OGDHL: variants seen among roughly 807,000 people sequenced by gnomAD.
OGDHL encodes oxoglutarate dehydrogenase L.
OGDHL carries 79 observed loss-of-function variants against 109.6 expected under a neutral mutation model. That is an observed-to-expected ratio of 0.72 (90% confidence interval 0.60 to 0.87). OGDHL has a LOEUF of 0.87. Among genes scored for constraint, OGDHL ranks in the 40% least tolerant of loss-of-function variants. The pLI is 0.00. For missense variants in OGDHL, 1,275 were observed against 1,362.2 expected (o/e 0.94, Z 1.01); for synonymous variants, 528 against 537.2 (o/e 0.98, Z 0.24).
At chr10:49,745,655 GCA>G in intron 11 of OGDHL, 141 bp downstream of exon 11, 5 of 1,289,840 alleles carry the variant, frequency 3.9e-6, no homozygotes. Flanking sequence ...CCAGGCCTTT[GCA>G]CAGATTGCTC....
At chr10:49,762,129 C>T in intron 1 of OGDHL, 110 bp downstream of exon 1, 1 of 153,670 alleles carries the variant, frequency 6.5e-6, no homozygotes, top group Non-Finnish European at 1.4e-5. Context: ...CTCAGGGCTG[C>T]GGGCAGCGGC....
At chr10:49,743,434 C>T (rs1292933921) in intron 14 of OGDHL, 1 of 179,072 alleles carries the variant, frequency 5.6e-6, no homozygotes, top group African/African-American at 2.3e-5. Flanking sequence ...CAGAACTCCC[C>T]CAGGTGGGTC....
intron 6 of OGDHL, 63 bp downstream of exon 6, chr10:49,751,763 TG>T: frequency 1.3e-6 from 2 of 1,573,034 alleles, no homozygotes; most frequent in Non-Finnish European, 8.6e-7. Context: ...AGGCAGGGTG[TG>T]GGACGTCTCA....
chr10:49,751,038 G>C (rs1463723212), intron 6 of OGDHL, 53 bp from the exon 7 acceptor site: 4 of 1,504,418 alleles, frequency 2.7e-6, no homozygotes, highest in Non-Finnish European at 3.6e-6. Flanking sequence ...AGAGGGAGGG[G>C]ACTGGGGCTC....
At chr10:49,752,780 G>C in intron 3 of OGDHL, 40 bp from the exon 4 acceptor site, 3 of 1,453,846 alleles carry the variant, frequency 2.1e-6, no homozygotes, top group Non-Finnish European at 2.9e-6. Flanking sequence ...CTGGGACCCA[G>C]CTGGACAGAC....
At chr10:49,746,527 A>G (rs1352296856) in intron 10 of OGDHL, among the ~76,000 whole-genome samples, 1 of 152,174 alleles carries the variant, frequency 6.6e-6, no homozygotes, top group East Asian at 1.9e-4. Flanking sequence ...GGCACTCGCT[A>G]CACAGGTGCT....
chr10:49,754,831 T>C (rs1214330187), intron 3 of OGDHL, among the ~76,000 whole-genome samples: 2 of 152,196 alleles, frequency 1.3e-5, no homozygotes, highest in African/African-American at 4.8e-5. Context: ...ACAAACCACC[T>C]GGTTTTTCCA....
At position 49,738,011 on chromosome 10, in the gene OGDHL, C is replaced by G. The variant is rs200969360; in HGVS notation, c.2453G>C (p.Cys818Ser). The G allele has an allele frequency of 1.2e-6, 2 of 1,614,060 alleles. No homozygotes were observed. The highest frequency in any genetic ancestry group is 2.7e-5 in the African/African-American group (2 of 74,922). Residue 818 changes from cysteine to serine, a missense_variant, in exon 19 of 23, where the codon TGC becomes TCC. Transcript: ENST00000374103. Reference sequence around the variant, plus strand: ...GTGGAAGTAGTTGGCCGGTGTGGAGCAGTTGACCACGATCCAGTTGCAGTC... The same window carrying G: ...GTGGAAGTAGTTGGCCGGTGTGGAGGAGTTGACCACGATCCAGTTGCAGTC... ...LYDCNWIVVNCSTPANYFHVL... is the reference protein window; with the variant it reads ...LYDCNWIVVNSSTPANYFHVL...
chr10:49,748,156 T>TA, intron 8 of OGDHL, among the ~76,000 whole-genome samples: 1 of 151,814 alleles, frequency 6.6e-6, no homozygotes, highest in African/African-American at 2.4e-5. Context: ...ATCTAACAGA[T>TA]AAACTCGCTC....
rs147143536 is a variant in OGDHL at position 49,752,185 on chromosome 10, A to G, written c.542T>C (p.Ile181Thr). The change falls in exon 5 of 23, where the codon ATT becomes ACT. Residue 181 changes from isoleucine to threonine, a missense_variant. By Grantham distance (89) the Ile-to-Thr change is moderately conservative. Transcript: ENST00000374103. ...AGAGAGGGTGTTTTCAGAGCCCCCA[A>G]TGAAGGTGGTTGTCGGCAGCTGGAA... The part of the protein sequence containing the change: ...KEFQLPTTTF[I>T]GGSENTLSLR... 5.8e-5 allele frequency: 93 copies of G among 1,614,110 alleles called. No individual in the cohort carries two copies. The highest frequency in any genetic ancestry group is 1.2e-4 in the Admixed American group (7 of 60,022).
chr10:49,736,460 A>G lies in OGDHL; in HGVS notation c.2651T>C (p.Val884Ala). 10 of 1,613,910 alleles carry G rather than the reference A, an allele frequency of 6.2e-6. No individual in the cohort carries two copies. Among genetic ancestry groups the G allele is most frequent in the Non-Finnish European group, 8.5e-6 (10 of 1,180,012 alleles). ...DGAAARAPEQ[V>A]QRLIFCTGKV... is the part of the protein sequence containing the mutation. ...TCCCGTGCAGAAGATGAGCCGCTGC[A>G]CCTGCTCAGGGGCCCGTGCTGCGGC... Residue 884 changes from valine (V) to alanine (A), a missense_variant, in exon 21 of 23, where the codon GTG becomes GCG. By Grantham distance (64) the Val-to-Ala change is moderately conservative (BLOSUM62 0). Coordinates refer to ENST00000374103, the MANE Select transcript of OGDHL (RefSeq NM_018245.3).
intron 11 of OGDHL, 71 bp downstream of exon 11, chr10:49,745,727 A>G: frequency 6.5e-7 from 1 of 1,545,430 alleles, no homozygotes; most frequent in Non-Finnish European, 8.8e-7. Context: ...GAAGATGCTG[A>G]TGACATGGCT....
At chr10:49,760,991 T>C (rs1843239025) in intron 1 of OGDHL, among the ~76,000 whole-genome samples, 2 of 152,234 alleles carry the variant, frequency 1.3e-5, no homozygotes, top group Non-Finnish European at 2.9e-5. Flanking sequence ...CTAAACAGTC[T>C]GGGTTGGCCA....
At position 49,742,830 on chromosome 10, in the gene OGDHL, G is replaced by C. The variant is rs1466207303; in HGVS notation, c.2010C>G (p.Phe670Leu). 6.2e-7 allele frequency: 1 copy of C among 1,612,408 alleles called. No homozygotes were observed. The highest frequency in any genetic ancestry group is 1.3e-5 in the African/African-American group (1 of 74,924). ...LSGQDVERGTFSHRHHVLHDQ... is the reference protein window; with the variant it reads ...LSGQDVERGTLSHRHHVLHDQ... Reference sequence around the variant, plus strand: ...ATGCTGAGCCCCACTGCGCTCACCTGAATGTGCCCCTCTCCACATCCTGCC... The same window carrying C: ...ATGCTGAGCCCCACTGCGCTCACCTCAATGTGCCCCTCTCCACATCCTGCC... The change falls in exon 15 of 23, where the codon TTC (phenylalanine) becomes TTG (leucine). Residue 670 changes from phenylalanine to leucine, a missense_variant and splice_region_variant. Physicochemically the swap from Phe to Leu is conservative, Grantham distance 22 (BLOSUM62 0). Transcript: ENST00000374103.
rs553036921 is a variant in OGDHL, at chr10:49,745,564, T to C, written c.1477-68A>G. The C allele has an allele frequency of 7.3e-5, 117 of 1,591,936 alleles. 1 individual carries two copies. The African/African-American group carries it at 1.0e-3, about 14-fold the overall frequency. ...TGTGGTCAATGTAGCTGCTGCAAAA[T>C]TGGGGAATATCTGGGTAGGGCACAC... is the stretch of plus-strand genomic sequence containing the variant. On this transcript the variant is annotated intron_variant, in intron 11 of 22. Transcript: ENST00000374103.
intron 4 of OGDHL, 49 bp downstream of exon 4, chr10:49,752,589 T>A (rs370392079): frequency 1.6e-5 from 24 of 1,509,158 alleles, no homozygotes; most frequent in Non-Finnish European, 2.0e-5. Flanking sequence ...GGCCCCTTAC[T>A]GGGCCACCCA....
rs1841090429 is a variant in OGDHL, at chr10:49,735,498, C to A, written c.2910-147G>T. On this transcript the variant is annotated intron_variant, in intron 22 of 22. Transcript: ENST00000374103. ...TGCCTTTTGGCCCTGGCACCACTTC[C>A]AATGAGCTGCAAAGCCCGGATCAAA... 10 of 835,910 alleles carry A rather than the reference C, an allele frequency of 1.2e-5. No homozygotes were observed. The East Asian group carries it at 2.4e-4, about 20-fold the overall frequency. The allele number at this position is 835,910 out of a possible 1,614,324, so 51.8% of individuals were successfully genotyped here. A position where few individuals can be genotyped will look rare whatever the true frequency, so the allele number is the denominator to read the frequency against.
In OGDHL at chr10:49,738,219, A is replaced by G. The variant is rs541812063; in HGVS notation, c.2363T>C (p.Met788Thr). The G allele has an allele frequency of 2.9e-4, 468 of 1,613,930 alleles. 7 individuals are homozygous for G. The South Asian group carries it at 4.8e-3, about 16-fold the overall frequency. Residue 788 changes from methionine (M) to threonine (T), a missense_variant, in exon 18 of 23, where the codon ATG becomes ACG. Physicochemically the swap from Met to Thr is moderately conservative, Grantham distance 81 (BLOSUM62 -1). Coordinates refer to ENST00000374103, the MANE Select transcript of OGDHL (RefSeq NM_018245.3). ...GTAGGCATCCGAGTCATCATTGCTC[A>G]TCTGCAGGAACCTTTCGGGCCTCGC... is the stretch of plus-strand genomic sequence containing the variant. The part of the protein sequence containing the change: ...SSARPERFLQ[M>T]SNDDSDAYPA...
At chr10:49,754,261 G>A (rs1321759197) in intron 3 of OGDHL, among the ~76,000 whole-genome samples, 2 of 152,162 alleles carry the variant, frequency 1.3e-5, no homozygotes, top group Non-Finnish European at 2.9e-5. Flanking sequence ...CGAGTGCTGG[G>A]AATAAGGACA....
Sources: gnomAD v4.1 joint callset for allele counts (sites outside exome capture counted in the v4.1 genomes callset) on GRCh38, gnomAD v4.1.1 for gene constraint, MANE v1.5 for transcripts, NCBI Gene and HGNC (gene_info 2026-07-23, HGNC 2026-07-21) for gene names.